The following TRIM44 variants were observed in gnomAD, a reference collection of about 807,000 sequenced individuals.
TRIM44 encodes the protein tripartite motif-containing protein 44.
Under a neutral mutation model 37.4 loss-of-function variants are expected in TRIM44, and 13 were observed. The observed-to-expected ratio is 0.35, with a 90% CI of 0.23 to 0.55. TRIM44 has a LOEUF of 0.55. TRIM44 is among the 20% of genes least tolerant of loss of function. The probability of loss-of-function intolerance (pLI) is 0.89; values close to 1 mark genes in which losing one functional copy is unlikely to be tolerated. For synonymous variants in TRIM44, 175 were observed against 157.2 expected (o/e 1.11, Z -0.85); for missense variants, 426 against 437.2 (o/e 0.97, Z 0.23).
At chr11:35,714,232 A>C (rs185743114) in intron 2 of TRIM44, among the ~76,000 whole-genome samples, 16 of 152,086 alleles carry the variant, frequency 1.1e-4, no homozygotes, top group African/African-American at 2.9e-4. Flanking sequence ...TATTATCTCT[A>C]ATGAGCAGAA....
At position 35,662,853 on chromosome 11, in the gene TRIM44, G is replaced by A; in HGVS notation, c.-259G>A. 1 of 401,368 alleles carries A rather than the reference G, an allele frequency of 2.5e-6. No individual in the cohort carries two copies. The highest frequency in any genetic ancestry group is 4.0e-6 in the Non-Finnish European group (1 of 252,696). 24.9% of individuals were successfully genotyped at this position (401,368 alleles called of 1,614,324 possible). ...GCGGGGGCCGACGGGGGCGCCGGGT[G>A]GCCGCGCCGGAAGTGCCTTGCGCGG... On this transcript the variant is annotated 5_prime_UTR_variant, in exon 1 of 5. Coordinates refer to ENST00000299413, the MANE Select transcript of TRIM44 (RefSeq NM_017583.6).
At chr11:35,732,567 A>C (rs1299092574) in intron 3 of TRIM44, among the ~76,000 whole-genome samples, 2 of 152,220 alleles carry the variant, frequency 1.3e-5, no homozygotes, top group African/African-American at 2.4e-5. Context: ...CAAGGAGTTG[A>C]AATCCAAAGA....
chr11:35,703,048 C>G (rs918391863), intron 2 of TRIM44, among the ~76,000 whole-genome samples: 1 of 152,194 alleles, frequency 6.6e-6, no homozygotes, highest in Non-Finnish European at 1.5e-5. Flanking sequence ...CGGGTCACTC[C>G]CACCCTAATA....
rs970961126 is a variant in TRIM44 at position 35,813,704 on chromosome 11, TAAAA to T, written c.*7323_*7326del. The T allele has an allele frequency of 6.6e-6, 1 of 151,574 alleles. No homozygotes were observed. The highest frequency in any genetic ancestry group is 2.4e-5 in the African/African-American group (1 of 41,200). 9.4% of individuals were successfully genotyped at this position (151,574 alleles called of 1,614,324 possible). On this transcript the variant is annotated 3_prime_UTR_variant, in exon 5 of 5. Coordinates refer to ENST00000299413, the MANE Select transcript of TRIM44 (RefSeq NM_017583.6). ...AAATGATGACCCTGTGCACCATACA[TAAAA>T]AAACTATGCTTAGAAGACAAAAATA...
At position 35,663,424 on chromosome 11, in the gene TRIM44, A is replaced by G. The variant is rs762828730; in HGVS notation, c.313A>G (p.Ser105Gly). 8.9e-6 allele frequency: 14 copies of G among 1,570,614 alleles called. No homozygotes were observed. The highest frequency in any genetic ancestry group is 1.2e-5 in the Non-Finnish European group (14 of 1,155,878). Reference sequence around the variant, plus strand: ...GGAAGAGAGTGAGTCGGAGGAAGAGAGCGAGTCAGAGGAAGAGAGCGAGAC... The same window carrying G: ...GGAAGAGAGTGAGTCGGAGGAAGAGGGCGAGTCAGAGGAAGAGAGCGAGAC... ...AGEESESEEE[S>G]ESEEESETEE... is the part of the protein sequence containing the mutation. Residue 105 changes from serine (S) to glycine (G), a missense_variant, in exon 1 of 5, where the codon AGC (serine) becomes GGC (glycine). Coordinates refer to ENST00000299413, the MANE Select transcript of TRIM44 (RefSeq NM_017583.6).
chr11:35,766,675 C>T (rs183433876), intron 4 of TRIM44, among the ~76,000 whole-genome samples: 7 of 152,264 alleles, frequency 4.6e-5, no homozygotes, highest in Admixed American at 2.0e-4. Context: ...CTCGGCAGGC[C>T]GGGATATATG....
At chr11:35,765,048 GTTGT>G (rs965242570) in intron 4 of TRIM44, among the ~76,000 whole-genome samples, 31 of 151,616 alleles carry the variant, frequency 2.0e-4, no homozygotes, top group East Asian at 9.7e-4. Context: ...ACTTTTTTTT[GTTGT>G]TTGTTTGTTT....
chr11:35,772,802 T>C (rs1273211531), intron 4 of TRIM44, among the ~76,000 whole-genome samples: 1 of 152,192 alleles, frequency 6.6e-6, no homozygotes, highest in African/African-American at 2.4e-5. Context: ...AGATAAGACT[T>C]TGGACTGTGG....
chr11:35,697,433 T>C (rs923854360), intron 2 of TRIM44, among the ~76,000 whole-genome samples: 4 of 148,884 alleles, frequency 2.7e-5, no homozygotes, highest in African/African-American at 9.9e-5. Context: ...ATGGTGTATA[T>C]GTGCCACGTT....
chr11:35,713,616 A>G (rs947087453), intron 2 of TRIM44, among the ~76,000 whole-genome samples: 1 of 152,084 alleles, frequency 6.6e-6, no homozygotes, highest in Non-Finnish European at 1.5e-5. Context: ...TTATTAATGA[A>G]GATCCTGAAA....
intron 1 of TRIM44, among the ~76,000 whole-genome samples, chr11:35,669,514 C>T (rs1349004545): frequency 6.6e-6 from 1 of 151,950 alleles, no homozygotes; most frequent in African/African-American, 2.4e-5. Context: ...TCACTCTTGT[C>T]ACCCAGGCTG....
Position 35,811,535 on chromosome 11 carries a change from T to C in TRIM44, c.*5150T>C, listed in dbSNP as rs1853527699. On this transcript the variant is annotated 3_prime_UTR_variant, in exon 5 of 5. Coordinates refer to ENST00000299413, the MANE Select transcript of TRIM44 (RefSeq NM_017583.6). ...TATTTGCATGTAATTGATGAAAACA[T>C]AGAATGAGTTGTAAATGAAGCAATT... The C allele has an allele frequency of 6.6e-6, 1 of 152,160 alleles. No homozygotes were observed. The highest frequency in any genetic ancestry group is 2.4e-5 in the African/African-American group (1 of 41,428). 9.4% of individuals were successfully genotyped at this position (152,160 alleles called of 1,614,324 possible).
chr11:35,708,982 GC>G (rs11286693), intron 2 of TRIM44, among the ~76,000 whole-genome samples: 106,348 of 148,162 alleles, frequency 0.72, 38,247 homozygotes, highest in East Asian at 0.85. Flanking sequence ...ATGTTGCCAT[GC>G]CCCCCCCCCA....
In TRIM44 at chr11:35,807,413, T is replaced by C. The variant is rs907117149; in HGVS notation, c.*1028T>C. ...ACTCCGACCAGAACCCTTCTTCCTG[T>C]GGCACTCCCCACCCATAGACCTTCA... is the stretch of plus-strand genomic sequence containing the variant. On this transcript the variant is annotated 3_prime_UTR_variant, in exon 5 of 5. Coordinates refer to ENST00000299413, the MANE Select transcript of TRIM44 (RefSeq NM_017583.6). The C allele has an allele frequency of 6.6e-6, 1 of 152,206 alleles. No homozygotes were observed. Among genetic ancestry groups the C allele is most frequent in the African/African-American group, 2.4e-5 (1 of 41,432 alleles). The allele number at this position is 152,206 out of a possible 1,614,324, so 9.4% of individuals were successfully genotyped here.
chr11:35,721,001 T>G (rs1852100381), intron 2 of TRIM44, among the ~76,000 whole-genome samples: 1 of 151,858 alleles, frequency 6.6e-6, no homozygotes, highest in Admixed American at 6.6e-5. Context: ...CCTCCCAGGT[T>G]CAAGCGATTC....
chr11:35,724,125 C>T (rs1018666731), intron 2 of TRIM44: 1 of 152,170 alleles, frequency 6.6e-6, no homozygotes, highest in Non-Finnish European at 1.5e-5. Flanking sequence ...AGATACATGT[C>T]ATACAGGCCT....
chr11:35,761,450 G>T (rs1015954329), intron 4 of TRIM44, among the ~76,000 whole-genome samples: 2 of 151,810 alleles, frequency 1.3e-5, no homozygotes, highest in Non-Finnish European at 2.9e-5. Flanking sequence ...CTTGGAAAAT[G>T]ATTGACTAGG....
At chr11:35,669,049 G>C (rs1851362986) in intron 1 of TRIM44, among the ~76,000 whole-genome samples, 1 of 151,968 alleles carries the variant, frequency 6.6e-6, no homozygotes, top group African/African-American at 2.4e-5. Context: ...GCTGTTTTTA[G>C]TTTTTCATGT....
chr11:35,770,390 G>A (rs1005838243), intron 4 of TRIM44, among the ~76,000 whole-genome samples: 1 of 152,192 alleles, frequency 6.6e-6, no homozygotes, highest in Non-Finnish European at 1.5e-5. Context: ...CTTTTTGGTA[G>A]AATGATTTAT....
Sources: gnomAD v4.1 joint callset for allele counts (sites outside exome capture counted in the v4.1 genomes callset) on GRCh38, gnomAD v4.1.1 for gene constraint, MANE v1.5 for transcripts, NCBI Gene and HGNC (gene_info 2026-07-23, HGNC 2026-07-21) for gene names.